PLEKHG4B: variants seen among roughly 807,000 people sequenced by gnomAD.
The protein encoded by PLEKHG4B is pleckstrin homology and RhoGEF domain containing G4B.
In PLEKHG4B, 111 loss-of-function variants were observed where a neutral mutation model predicts 121.3. The ratio of observed to expected loss-of-function variants is 0.92; its 90% CI spans 0.78 to 1.07. The LOEUF is 1.07. PLEKHG4B is among the 50% of genes least tolerant of loss of function. The pLI is 0.00. For missense variants in PLEKHG4B, 1,831 were observed against 1,757.8 expected, an observed-to-expected ratio of 1.04 and a Z score of -0.74; for synonymous variants, 738 against 725.0, an observed-to-expected ratio of 1.02 and a Z score of -0.29.
chr5:175,705 C>CTTCCTGTTTGGGGTCTGCCTG (rs1278120335), intron 18 of PLEKHG4B, among the ~76,000 whole-genome samples: 1 of 2,174 alleles, frequency 4.6e-4, no homozygotes, highest in Non-Finnish European at 1.1e-3. Context: ...AGGGCTCCTG[C>CTTCCTGTTTGGGGTCTGCCTG]ACGGCTGCAC....
chr5:114,824 G>GCTCCA (rs989365652), intron 2 of PLEKHG4B, among the ~76,000 whole-genome samples: 50 of 152,114 alleles, frequency 3.3e-4, no homozygotes, highest in African/African-American at 1.2e-3. Flanking sequence ...ACATCTTCAG[G>GCTCCA]CTCCACTTCT....
intron 7 of PLEKHG4B, 98 bp from the exon 8 acceptor site, chr5:154,777 G>A (rs112810741): frequency 2.2e-6 from 2 of 904,232 alleles, no homozygotes; most frequent in Non-Finnish European, 1.8e-6. Flanking sequence ...CCTTGAGCCA[G>A]CCTCTCCATC....
chr5:181,422 T>G, intron 18 of PLEKHG4B, 92 bp from the exon 19 acceptor site: 1 of 1,360,838 alleles, frequency 7.3e-7, no homozygotes, highest in Non-Finnish European at 1.0e-6. Flanking sequence ...CCCTCCTGGT[T>G]TGGGCTGAGG....
intron 1 of PLEKHG4B, among the ~76,000 whole-genome samples, chr5:93,702 G>T (rs76662915): frequency 0.012 from 1,886 of 152,300 alleles, 12 homozygotes; most frequent in Non-Finnish European, 0.019. Flanking sequence ...TTTCTGGGGG[G>T]TGGGTCTAGT....
chr5:141,716 T>A (rs1735211657), intron 3 of PLEKHG4B, among the ~76,000 whole-genome samples: 1 of 148,140 alleles, frequency 6.8e-6, no homozygotes, highest in Non-Finnish European at 1.5e-5. Context: ...ATTTCATTTT[T>A]TTTTTTTTTT....
intron 1 of PLEKHG4B, among the ~76,000 whole-genome samples, chr5:98,428 T>G (rs1250705276): frequency 1.3e-4 from 14 of 105,068 alleles, no homozygotes; most frequent in African/African-American, 6.5e-4. Flanking sequence ...ACTGTAGCTT[T>G]TTTTTTTTTT....
In PLEKHG4B at chr5:183,373, C is replaced by G. The variant is rs1315396836; in HGVS notation, c.*1050C>G. On this transcript the variant is annotated 3_prime_UTR_variant, in exon 20 of 20. Transcript: ENST00000637938. ...CAAGGGCAAACACTCCAAGGAGAGT[C>G]GCCTGGCAAAGCCAACCACCCAGAG... 6.6e-6 allele frequency: 1 copy of G among 152,200 alleles called. No homozygotes were observed. Among genetic ancestry groups the G allele is most frequent in the Non-Finnish European group, 1.5e-5 (1 of 68,052 alleles). 9.4% of individuals were successfully genotyped at this position (152,200 alleles called of 1,614,324 possible).
chr5:121,897 G>A (rs1272799234), intron 2 of PLEKHG4B, among the ~76,000 whole-genome samples: 3 of 151,684 alleles, frequency 2.0e-5, no homozygotes, highest in African/African-American at 4.8e-5. Context: ...GATAGGTGAA[G>A]GGTACAAGAA....
chr5:99,504 G>C (rs1304977424), intron 1 of PLEKHG4B, among the ~76,000 whole-genome samples: 1 of 151,820 alleles, frequency 6.6e-6, no homozygotes, highest in Non-Finnish European at 1.5e-5. Flanking sequence ...AGATGCTATT[G>C]TGAATGGAAT....
chr5:103,413 C>G (rs939162550), intron 1 of PLEKHG4B, among the ~76,000 whole-genome samples: 10 of 152,226 alleles, frequency 6.6e-5, no homozygotes, highest in Middle Eastern at 3.4e-3. Flanking sequence ...AGAGGAGATT[C>G]AACCCTGCAA....
chr5:163,878 C>G (rs892351504), intron 13 of PLEKHG4B, among the ~76,000 whole-genome samples: 4 of 152,204 alleles, frequency 2.6e-5, no homozygotes, highest in African/African-American at 9.7e-5. Context: ...ACCCCGACAC[C>G]AAGAAGAGTT....
chr5:96,398 T>C (rs548205309), intron 1 of PLEKHG4B, among the ~76,000 whole-genome samples: 1 of 152,338 alleles, frequency 6.6e-6, no homozygotes. Context: ...AAATATTCAA[T>C]GAAATTATTT....
intron 18 of PLEKHG4B, among the ~76,000 whole-genome samples, chr5:174,724 T>C (rs905465616): frequency 1.3e-5 from 2 of 152,082 alleles, no homozygotes; most frequent in African/African-American, 2.4e-5. Context: ...AGCGTTTCTT[T>C]TTTGGTAAGG....
rs1033786545 is a variant in PLEKHG4B, at chr5:157,153, G to T, written c.2487+242G>T. ...TTTGTTTAATCCAGAGGAGGCCAGG[G>T]AGAAAAATAATTTCACACTGTGCCT... On this transcript the variant is annotated intron_variant, in intron 11 of 19. Coordinates refer to ENST00000637938, the MANE Select transcript of PLEKHG4B (RefSeq NM_052909.5). This position sits in a 1 kb window ranked among gnomAD's most constrained non-coding sequence, Gnocchi z 4.6. 20 of 552,076 alleles carry T rather than the reference G, an allele frequency of 3.6e-5. No individual in the cohort carries two copies. The highest frequency in any genetic ancestry group is 7.1e-4 in the Middle Eastern group (2 of 2,810). 34.2% of individuals were successfully genotyped at this position (552,076 alleles called of 1,614,324 possible). A position where few individuals can be genotyped will look rare whatever the true frequency, so the allele number is the denominator to read the frequency against.
At chr5:96,844 C>T (rs1733643176) in intron 1 of PLEKHG4B, among the ~76,000 whole-genome samples, 1 of 152,058 alleles carries the variant, frequency 6.6e-6, no homozygotes, top group Non-Finnish European at 1.5e-5. Context: ...ACAAGGAGAG[C>T]AACAGTTCCA....
At chr5:111,024 A>C (rs1184541372) in intron 1 of PLEKHG4B, among the ~76,000 whole-genome samples, 1 of 152,158 alleles carries the variant, frequency 6.6e-6, no homozygotes, top group Non-Finnish European at 1.5e-5. Flanking sequence ...CGTACACTGC[A>C]CCTGGCCAGG....
chr5:153,016 A>G (rs999205909), intron 7 of PLEKHG4B, among the ~76,000 whole-genome samples: 2 of 152,224 alleles, frequency 1.3e-5, no homozygotes, highest in Non-Finnish European at 2.9e-5. Context: ...TTTCCTTTAT[A>G]AATTACCCAG....
intron 1 of PLEKHG4B, among the ~76,000 whole-genome samples, chr5:96,386 A>G (rs1733627657): frequency 6.6e-6 from 1 of 152,254 alleles, no homozygotes; most frequent in African/African-American, 2.4e-5. Flanking sequence ...TTTCTTAGGG[A>G]AAAATATTCA....
intron 1 of PLEKHG4B, among the ~76,000 whole-genome samples, chr5:97,048 A>G (rs955835789): frequency 6.6e-6 from 1 of 152,196 alleles, no homozygotes; most frequent in African/African-American, 2.4e-5. Flanking sequence ...TCCTTATTCC[A>G]AAGTCAAACC....
Sources: allele counts gnomAD v4.1 joint callset (sites outside exome capture counted in the v4.1 genomes callset), GRCh38; gene constraint gnomAD v4.1.1; non-coding constraint Gnocchi (gnomAD v3.1); transcripts MANE v1.5; gene names NCBI Gene and HGNC (gene_info 2026-07-23, HGNC 2026-07-21).